PIGU: variants seen among roughly 807,000 people sequenced by gnomAD.
PIGU encodes the protein phosphatidylinositol glycan anchor biosynthesis class U.
Under a neutral mutation model 49.9 loss-of-function variants are expected in PIGU, and 24 were observed. That is an observed-to-expected ratio of 0.48 (90% CI 0.35 to 0.68). The LOEUF (loss-of-function observed/expected upper bound fraction) is 0.68, where lower values mean the gene tolerates loss of function less well. Among genes scored for constraint, PIGU ranks in the 30% least tolerant of loss-of-function variants. The probability of loss-of-function intolerance (pLI) is 0.01; values close to 1 mark genes in which losing one functional copy is unlikely to be tolerated. For missense variants in PIGU, 490 were observed against 532.6 expected (o/e 0.92, Z 0.79); for synonymous variants, 220 against 205.7 (o/e 1.07, Z -0.59).
chr20:34,612,061 T>C (rs1600627534), intron 7 of PIGU, among the ~76,000 whole-genome samples: 1 of 152,170 alleles, frequency 6.6e-6, no homozygotes, highest in East Asian at 1.9e-4. Flanking sequence ...TATGCACACG[T>C]ATGTTTACTG....
At chr20:34,567,267 G>A (rs895611624) in intron 11 of PIGU, among the ~76,000 whole-genome samples, 9 of 152,200 alleles carry the variant, frequency 5.9e-5, no homozygotes, top group Admixed American at 3.9e-4. Flanking sequence ...CCCACAGGCC[G>A]GAGCGGACAT....
At chr20:34,574,979 G>A (rs1983162673) in intron 11 of PIGU, 125 bp downstream of exon 11, 1 of 1,286,958 alleles carries the variant, frequency 7.8e-7, no homozygotes, top group Non-Finnish European at 1.1e-6. Flanking sequence ...GCTACTTGAG[G>A]GGAGTAACTG....
At chr20:34,588,653 GA>G (rs1568628169) in intron 7 of PIGU, 46 bp from the exon 8 acceptor site, 2 of 1,563,466 alleles carry the variant, frequency 1.3e-6, no homozygotes, top group South Asian at 2.3e-5. Context: ...GTAAACAACA[GA>G]GGGCAGCTAT....
Position 34,560,785 on chromosome 20 carries a change from T to C in PIGU, c.*81A>G, listed in dbSNP as rs1454031416. On this transcript the variant is annotated 3_prime_UTR_variant, in exon 12 of 12. Transcript: ENST00000217446. ...CTCTTCTGCCCAAGCACTCGCCTGCTGGCAACTCTGGCTGGAGGGCTTGGC... is the reference window on the plus strand; with the variant it reads ...CTCTTCTGCCCAAGCACTCGCCTGCCGGCAACTCTGGCTGGAGGGCTTGGC... 1.2e-5 allele frequency: 13 copies of C among 1,081,536 alleles called. No individual in the cohort carries two copies. The highest frequency in any genetic ancestry group is 1.7e-5 in the Non-Finnish European group (13 of 776,248). The allele number at this position is 1,081,536 out of a possible 1,614,324, so 67.0% of individuals were successfully genotyped here.
chr20:34,595,110 A>AG (rs1984148964), intron 7 of PIGU, among the ~76,000 whole-genome samples: 1 of 150,794 alleles, frequency 6.6e-6, no homozygotes, highest in African/African-American at 2.4e-5. Flanking sequence ...AAAAAAAAAA[A>AG]AAAAAAAAGA....
intron 1 of PIGU, among the ~76,000 whole-genome samples, chr20:34,664,155 T>C (rs1987012539): frequency 6.6e-6 from 1 of 152,128 alleles, no homozygotes; most frequent in African/African-American, 2.4e-5. Flanking sequence ...ATGTAAAACA[T>C]TTTTTTGTCT....
intron 5 of PIGU, among the ~76,000 whole-genome samples, chr20:34,637,647 G>C (rs1986008973): frequency 1.3e-5 from 2 of 152,128 alleles, no homozygotes. Context: ...ATTTGTGAAG[G>C]GTTTGATTGT....
At chr20:34,676,561 T>C (rs1212389334) in intron 1 of PIGU, among the ~76,000 whole-genome samples, 1 of 152,172 alleles carries the variant, frequency 6.6e-6, no homozygotes, top group Non-Finnish European at 1.5e-5. Flanking sequence ...CATAACCTTT[T>C]ATCCCAGGGA....
chr20:34,591,970 G>A (rs901190318), intron 7 of PIGU, among the ~76,000 whole-genome samples: 2 of 152,104 alleles, frequency 1.3e-5, no homozygotes, highest in Admixed American at 6.5e-5. Flanking sequence ...GGTGGATCGC[G>A]AGGTCAGGGG....
chr20:34,589,724 C>T (rs948129601), intron 7 of PIGU, among the ~76,000 whole-genome samples: 7 of 134,692 alleles, frequency 5.2e-5, no homozygotes, highest in South Asian at 2.5e-4. Context: ...GGCGTGATCT[C>T]GGCTCACTGC....
chr20:34,613,151 C>T (rs915158269), intron 7 of PIGU, among the ~76,000 whole-genome samples: 1 of 152,248 alleles, frequency 6.6e-6, no homozygotes, highest in South Asian at 2.1e-4. Context: ...ATCTCTCCAT[C>T]TCCTCTGACA....
intron 7 of PIGU, among the ~76,000 whole-genome samples, chr20:34,589,361 T>C (rs868116485): frequency 6.6e-6 from 1 of 152,340 alleles, no homozygotes; most frequent in Middle Eastern, 3.4e-3. Context: ...CTTTATCTGC[T>C]TTCCTTTGTT....
At chr20:34,666,557 G>A (rs1987101878) in intron 1 of PIGU, among the ~76,000 whole-genome samples, 1 of 150,916 alleles carries the variant, frequency 6.6e-6, no homozygotes, top group South Asian at 2.1e-4. Flanking sequence ...TAGAGACAGG[G>A]GCCTTAATCT....
At chr20:34,676,014 T>C (rs1172729180) in intron 1 of PIGU, among the ~76,000 whole-genome samples, 4 of 144,508 alleles carry the variant, frequency 2.8e-5, no homozygotes, top group African/African-American at 7.5e-5. Flanking sequence ...GTATGTATAC[T>C]GTACTTCAGT....
intron 2 of PIGU, among the ~76,000 whole-genome samples, chr20:34,653,774 C>G (rs1361022558): frequency 6.6e-6 from 1 of 152,090 alleles, no homozygotes; most frequent in African/African-American, 2.4e-5. Context: ...GTAAAATAAA[C>G]ACAGAGGCAA....
Position 34,560,990 on chromosome 20 carries a change from A to G in PIGU, c.1195-11T>C. ...AGAGATGAGCAGGATCTGGGGGGAG[A>G]GAGAGGGTGTGAGGCGCTGCTGGGT... On this transcript the variant is annotated splice_polypyrimidine_tract_variant and intron_variant, in intron 11 of 11. Coordinates refer to ENST00000217446, the MANE Select transcript of PIGU (RefSeq NM_080476.5). 1 of 1,579,442 alleles carries G rather than the reference A, an allele frequency of 6.3e-7. No homozygotes were observed. The highest frequency in any genetic ancestry group is 8.7e-7 in the Non-Finnish European group (1 of 1,150,370).
chr20:34,613,245 A>G (rs1984886776), intron 7 of PIGU, among the ~76,000 whole-genome samples: 1 of 152,018 alleles, frequency 6.6e-6, no homozygotes, highest in Non-Finnish European at 1.5e-5. Context: ...TCCTACTCCC[A>G]TCTACCCGAC....
intron 11 of PIGU, among the ~76,000 whole-genome samples, chr20:34,569,590 G>A (rs1982921286): frequency 1.3e-5 from 2 of 152,194 alleles, no homozygotes; most frequent in Non-Finnish European, 1.5e-5. Flanking sequence ...TTTAGATGTA[G>A]ACACAGGGCA....
At chr20:34,664,323 A>T (rs1987020361) in intron 1 of PIGU, among the ~76,000 whole-genome samples, 2 of 152,266 alleles carry the variant, frequency 1.3e-5, no homozygotes, top group Middle Eastern at 6.8e-3. Flanking sequence ...GCTAATTTTT[A>T]AATTTTTTTT....
Sources: gnomAD v4.1 joint callset for allele counts (sites outside exome capture counted in the v4.1 genomes callset) on GRCh38, gnomAD v4.1.1 for gene constraint, MANE v1.5 for transcripts, NCBI Gene and HGNC (gene_info 2026-07-23, HGNC 2026-07-21) for gene names.